Variants in MYEF2 observed in about 807,000 individuals in gnomAD.
The protein encoded by MYEF2 is myelin gene expression factor 2.
MYEF2 carries 37 observed loss-of-function variants against 75.2 expected under a neutral mutation model. The observed-to-expected ratio is 0.49, with a 90% CI of 0.38 to 0.65. The LOEUF (loss-of-function observed/expected upper bound fraction) is 0.65. Ranked by LOEUF, MYEF2 falls within the 30% of genes least tolerant of loss-of-function variation. MYEF2 has a pLI of 0.00. For synonymous variants in MYEF2, 195 were observed against 241.6 expected (o/e 0.81, Z 1.79); for missense variants, 634 against 771.4 (o/e 0.82, Z 2.11).
chr15:48,153,780 T>C lies in MYEF2; in HGVS notation c.1087+12A>G. 5.0e-6 allele frequency: 8 copies of C among 1,607,096 alleles called. No homozygotes were observed. Among genetic ancestry groups the C allele is most frequent in the Non-Finnish European group, 6.8e-6 (8 of 1,174,092 alleles). The stretch of plus-strand genomic sequence containing the variant: ...ATCATTTAAAAAGAAAAGAGGAAGT[T>C]AGAATACTCACCACCTGGACCTAAA... On this transcript the variant is annotated intron_variant, in intron 10 of 16. Coordinates refer to ENST00000324324, the MANE Select transcript of MYEF2 (RefSeq NM_016132.5).
At chr15:48,171,774 C>T (rs2040351655) in intron 1 of MYEF2, among the ~76,000 whole-genome samples, 1 of 152,024 alleles carries the variant, frequency 6.6e-6, no homozygotes, top group Non-Finnish European at 1.5e-5. Context: ...GGAAATGATG[C>T]TACATAATTC....
chr15:48,168,974 G>A (rs1295066524), intron 1 of MYEF2, 135 bp from the exon 2 acceptor site: 24 of 662,280 alleles, frequency 3.6e-5, no homozygotes, highest in Non-Finnish European at 5.8e-5. Flanking sequence ...CAAAGTAGCT[G>A]GAGAATCAGC....
chr15:48,141,986 A>G lies in MYEF2; in HGVS notation c.*922T>C, dbSNP rs751506312. ...CTTATGAAGATTATTAATAAAACAC[A>G]GTATTGGTAAGCACATTTTAACAGT... On this transcript the variant is annotated 3_prime_UTR_variant, in exon 17 of 17. Coordinates refer to ENST00000324324, the MANE Select transcript of MYEF2 (RefSeq NM_016132.5). The G allele has an allele frequency of 7.5e-7, 1 of 1,341,942 alleles. No homozygotes were observed. Among genetic ancestry groups the G allele is most frequent in the Non-Finnish European group, 1.0e-6 (1 of 984,470 alleles). The allele number at this position is 1,341,942 out of a possible 1,614,324, so 83.1% of individuals were successfully genotyped here.
chr15:48,139,173 C>A lies in MYEF2; in HGVS notation c.*3735G>T, dbSNP rs1352913596. 1 of 1,607,482 alleles carries A rather than the reference C, an allele frequency of 6.2e-7. No individual in the cohort carries two copies. ...ATCCTGGTTTGGATGGTCACAATAA[C>A]TGGTATGTATTTTAAGTACAATAGC... On this transcript the variant is annotated 3_prime_UTR_variant, in exon 17 of 17. Transcript: ENST00000324324.
rs2140960565 is a variant in MYEF2 at position 48,178,122 on chromosome 15, T to C, written c.116A>G (p.Glu39Gly). Residue 39 changes from glutamate (E) to glycine (G), a missense_variant, in exon 1 of 17, where the codon GAG becomes GGG. Coordinates refer to ENST00000324324, the MANE Select transcript of MYEF2 (RefSeq NM_016132.5). ...PRREPHPAEAEKQQPQHSSSS... is the reference protein window; with the variant it reads ...PRREPHPAEAGKQQPQHSSSS... ...GCTGCTGTGCTGCGGCTGCTGCTTC[T>C]CCGCCTCCGCGGGGTGCGGCTCTCG... 1 of 1,592,690 alleles carries C rather than the reference T, an allele frequency of 6.3e-7. No homozygotes were observed.
intron 5 of MYEF2, chr15:48,162,983 T>A (rs2040002352): frequency 6.6e-6 from 1 of 152,074 alleles, no homozygotes; most frequent in Non-Finnish European, 1.5e-5. Context: ...GAGTTGCAAG[T>A]CTCTCACTTT....
At chr15:48,156,109 T>C (rs2039688024) in intron 9 of MYEF2, among the ~76,000 whole-genome samples, 2 of 152,100 alleles carry the variant, frequency 1.3e-5, no homozygotes, top group Non-Finnish European at 2.9e-5. Context: ...CTCTAAAAAC[T>C]GACCCATCAT....
Position 48,135,707 on chromosome 15 carries a change from T to C in MYEF2, c.*7201A>G, listed in dbSNP as rs1345729180. ...ATAACTCCAGAGGACACCAGAAAAA[T>C]ATGAAAAAAAAAAAATGTAATGGTG... On this transcript the variant is annotated 3_prime_UTR_variant, in exon 17 of 17. Coordinates refer to ENST00000324324, the MANE Select transcript of MYEF2 (RefSeq NM_016132.5). 2 of 140,474 alleles carry C rather than the reference T, an allele frequency of 1.4e-5. No homozygotes were observed. Among genetic ancestry groups the C allele is most frequent in the East Asian group, 5.1e-4 (2 of 3,930 alleles). The allele number at this position is 140,474 out of a possible 1,614,324, so 8.7% of individuals were successfully genotyped here.
chr15:48,144,621 T>TA (rs1246035514), intron 16 of MYEF2, among the ~76,000 whole-genome samples: 1 of 151,870 alleles, frequency 6.6e-6, no homozygotes, highest in South Asian at 2.1e-4. Flanking sequence ...AGCAAAAACA[T>TA]AGCAATCACA....
rs1413518628 is a variant in MYEF2, at chr15:48,139,189, G to A, written c.*3719C>T. The A allele has an allele frequency of 1.3e-6, 2 of 1,588,400 alleles. No individual in the cohort carries two copies. The highest frequency in any genetic ancestry group is 2.7e-5 in the African/African-American group (2 of 74,344). On this transcript the variant is annotated 3_prime_UTR_variant, in exon 17 of 17. Transcript: ENST00000324324. ...TCACAATAACTGGTATGTATTTTAA[G>A]TACAATAGCACAACTTGAAAATATT...
chr15:48,141,640 G>C lies in MYEF2; in HGVS notation c.*1268C>G, dbSNP rs1366224621. 6.1e-6 allele frequency: 1 copy of C among 164,888 alleles called. No individual in the cohort carries two copies. Among genetic ancestry groups the C allele is most frequent in the Admixed American group, 6.2e-5 (1 of 16,210 alleles). 10.2% of individuals were successfully genotyped at this position (164,888 alleles called of 1,614,324 possible). A position where few individuals can be genotyped will look rare whatever the true frequency, so the allele number is the denominator to read the frequency against. On this transcript the variant is annotated 3_prime_UTR_variant, in exon 17 of 17. Transcript: ENST00000324324. Reference sequence around the variant, plus strand: ...CTTCCTCAGTAACATACTTTGAAGGGGGAAAAAAGTGACTCCAGAGGAAAA... The same window carrying C: ...CTTCCTCAGTAACATACTTTGAAGGCGGAAAAAAGTGACTCCAGAGGAAAA...
rs895811847 is a variant in MYEF2, at chr15:48,141,293, T to C, written c.*1615A>G. ...TAAAAGTAGCTTTAAAAATGTTTAC[T>C]TCCAGCCGGGTGTGGTGGCTCGCGC... is the stretch of plus-strand genomic sequence containing the variant. On this transcript the variant is annotated 3_prime_UTR_variant, in exon 17 of 17. Transcript: ENST00000324324. 8.1e-7 allele frequency: 1 copy of C among 1,235,368 alleles called. No homozygotes were observed. The highest frequency in any genetic ancestry group is 2.4e-5 in the East Asian group (1 of 41,896). The allele number at this position is 1,235,368 out of a possible 1,614,324, so 76.5% of individuals were successfully genotyped here. A position where few individuals can be genotyped will look rare whatever the true frequency, so the allele number is the denominator to read the frequency against.
chr15:48,174,257 A>C (rs2040437443), intron 1 of MYEF2, among the ~76,000 whole-genome samples: 1 of 152,166 alleles, frequency 6.6e-6, no homozygotes, highest in Non-Finnish European at 1.5e-5. Context: ...CTCTTCAAAA[A>C]ATGGTATTGG....
In MYEF2 at chr15:48,138,843, A is replaced by T. The variant is rs1461332511; in HGVS notation, c.*4065T>A. ...AGCAATATCAGTAATGAGGTACTCA[A>T]ATGTTTTAAACAGCCTTTTAAAAAC... On this transcript the variant is annotated 3_prime_UTR_variant, in exon 17 of 17. Transcript: ENST00000324324. The T allele has an allele frequency of 1.4e-6, 1 of 692,656 alleles. No individual in the cohort carries two copies. 42.9% of individuals were successfully genotyped at this position (692,656 alleles called of 1,614,324 possible).
At chr15:48,156,984 T>C (rs562705687) in intron 9 of MYEF2, among the ~76,000 whole-genome samples, 1 of 152,198 alleles carries the variant, frequency 6.6e-6, no homozygotes, top group African/African-American at 2.4e-5. Flanking sequence ...AAGCTCCATT[T>C]TACCATAAAA....
chr15:48,173,386 G>A (rs1209220487), intron 1 of MYEF2, among the ~76,000 whole-genome samples: 1 of 152,082 alleles, frequency 6.6e-6, no homozygotes, highest in Non-Finnish European at 1.5e-5. Context: ...CATAGCTAAT[G>A]TCATACTCAA....
chr15:48,154,940 T>C (rs1404240114), intron 9 of MYEF2, among the ~76,000 whole-genome samples: 1 of 152,120 alleles, frequency 6.6e-6, no homozygotes, highest in African/African-American at 2.4e-5. Context: ...GTCACTCTAC[T>C]ATTACATAAA....
Position 48,135,142 on chromosome 15 carries a change from T to C in MYEF2, c.*7766A>G. ...GAGTTAACCTCATCACAATTGCTGA[T>C]TGAGTTCTTCTCACTAGTTTGCAAT... On this transcript the variant is annotated 3_prime_UTR_variant, in exon 17 of 17. Transcript: ENST00000324324. 3.6e-6 allele frequency: 2 copies of C among 548,886 alleles called. No homozygotes were observed. Among genetic ancestry groups the C allele is most frequent in the South Asian group, 2.8e-5 (1 of 35,606 alleles). The allele number at this position is 548,886 out of a possible 1,614,324, so 34.0% of individuals were successfully genotyped here.
In MYEF2 at chr15:48,149,115, T is replaced by C. The variant is rs777070270; in HGVS notation, c.1588-32A>G. On this transcript the variant is annotated intron_variant, in intron 15 of 16. Coordinates refer to ENST00000324324, the MANE Select transcript of MYEF2 (RefSeq NM_016132.5). This position sits in a 1 kb window ranked among gnomAD's most constrained non-coding sequence, Gnocchi z 4.0. ...TGAAAAGAGGTATTAGTAACATATA[T>C]ACAAGAAAAAAAAGAATTTGAATTA... The C allele has an allele frequency of 2.0e-5, 33 of 1,612,324 alleles. 1 individual carries two copies. In the Admixed American group the frequency reaches 5.2e-4, roughly 25 times the overall value.
Sources: gnomAD v4.1 joint callset for allele counts (sites outside exome capture counted in the v4.1 genomes callset) on GRCh38, gnomAD v4.1.1 for gene constraint, Gnocchi (gnomAD v3.1) non-coding constraint, MANE v1.5 for transcripts, NCBI Gene and HGNC (gene_info 2026-07-23, HGNC 2026-07-21) for gene names.